The following MMP2 variants were observed in gnomAD, a reference collection of about 807,000 sequenced individuals.
MMP2 encodes matrix metallopeptidase 2.
In MMP2, 39 loss-of-function variants were observed where a neutral mutation model predicts 74.8. That is an observed-to-expected ratio of 0.52 (90% confidence interval 0.40 to 0.68). MMP2 has a LOEUF of 0.68. Among genes scored for constraint, MMP2 ranks in the 30% least tolerant of loss-of-function variants. The probability of loss-of-function intolerance (pLI) is 0.00; values close to 1 mark genes in which losing one functional copy is unlikely to be tolerated. For missense variants in MMP2, 803 were observed against 878.3 expected (o/e 0.91, Z 1.08); for synonymous variants, 367 against 339.8 (o/e 1.08, Z -0.88).
At chr16:55,487,673 A>T (rs1962293134) in intron 5 of MMP2, 2 of 152,336 alleles carry the variant, frequency 1.3e-5, no homozygotes. Context: ...GCTGGTTGGC[A>T]ATTCCAGAGA....
intron 12 of MMP2, 104 bp from the exon 13 acceptor site, chr16:55,505,235 A>C: frequency 1.0e-6 from 1 of 994,882 alleles, no homozygotes; most frequent in Non-Finnish European, 1.6e-6. Flanking sequence ...TCTCGTTTAA[A>C]AGCTTCTTCC....
chr16:55,488,323 T>A (rs1962308222), intron 5 of MMP2: 1 of 580,548 alleles, frequency 1.7e-6, no homozygotes, highest in South Asian at 2.0e-5. Flanking sequence ...TGTTGGGTGG[T>A]CCACAAGGTC....
intron 1 of MMP2, chr16:55,479,864 C>T: frequency 1.7e-6 from 1 of 593,420 alleles, no homozygotes; most frequent in South Asian, 2.0e-5. Context: ...CTTCAGCATA[C>T]AGCAGTGGGG....
At chr16:55,503,005 G>A in intron 12 of MMP2, 117 bp downstream of exon 12, 1 of 817,594 alleles carries the variant, frequency 1.2e-6, no homozygotes, top group South Asian at 1.4e-5. Context: ...CGGCGCCCAG[G>A]AAAACAAATC....
chr16:55,505,508 G>A lies in MMP2; in HGVS notation c.*66G>A. The A allele has an allele frequency of 1.4e-6, 2 of 1,421,360 alleles. No homozygotes were observed. The highest frequency in any genetic ancestry group is 2.0e-6 in the Non-Finnish European group (2 of 1,005,670). The allele number at this position is 1,421,360 out of a possible 1,614,324, so 88.0% of individuals were successfully genotyped here. Reference sequence around the variant, plus strand: ...TCGATACACCGGGCCTGGAGAACTAGAGAAGGACCCGGAGGGGCCTGGCAG... The same window carrying A: ...TCGATACACCGGGCCTGGAGAACTAAAGAAGGACCCGGAGGGGCCTGGCAG... On this transcript the variant is annotated 3_prime_UTR_variant, in exon 13 of 13. Transcript: ENST00000219070.
At chr16:55,479,715 C>A in intron 1 of MMP2, 83 bp downstream of exon 1, 1 of 1,564,992 alleles carries the variant, frequency 6.4e-7, no homozygotes. Flanking sequence ...CCCCTGCCCT[C>A]GGCGGTGGGC....
In MMP2 at chr16:55,505,518, C is replaced by G. The variant is rs760604174; in HGVS notation, c.*76C>G. On this transcript the variant is annotated 3_prime_UTR_variant, in exon 13 of 13. Coordinates refer to ENST00000219070, the MANE Select transcript of MMP2 (RefSeq NM_004530.6). ...GGGCCTGGAGAACTAGAGAAGGACC[C>G]GGAGGGGCCTGGCAGCCGTGCCTTC... 3 of 1,294,220 alleles carry G rather than the reference C, an allele frequency of 2.3e-6. No individual in the cohort carries two copies. In the African/African-American group the frequency reaches 4.4e-5, roughly 19 times the overall value. The allele number at this position is 1,294,220 out of a possible 1,614,324, so 80.2% of individuals were successfully genotyped here.
At chr16:55,505,268 G>C in intron 12 of MMP2, 71 bp from the exon 13 acceptor site, 1 of 1,328,408 alleles carries the variant, frequency 7.5e-7, no homozygotes, top group South Asian at 1.2e-5. Flanking sequence ...GAAATTCAAA[G>C]TTCCCAGGAA....
chr16:55,486,325 G>A (rs1567374946), intron 5 of MMP2, among the ~76,000 whole-genome samples: 1 of 47,224 alleles, frequency 2.1e-5, no homozygotes, highest in Non-Finnish European at 4.9e-5. Context: ...GCTAATGCGT[G>A]TGTGTGTGTG....
chr16:55,481,850 G>A (rs1181271921), intron 1 of MMP2: 12 of 764,284 alleles, frequency 1.6e-5, no homozygotes, highest in Non-Finnish European at 2.9e-5. Context: ...TTAAAAGAGA[G>A]GTAATCTTAG....
chr16:55,479,122 C>A (rs1285133303), upstream of MMP2: 1 of 175,104 alleles, frequency 5.7e-6, no homozygotes, highest in African/African-American at 2.4e-5. Context: ...GAGTGCGCCC[C>A]CCGCCCCCAG....
Position 55,491,850 on chromosome 16 carries a change from G to A in MMP2, c.1230G>A (p.Gly410=). 3 of 1,614,188 alleles carry A rather than the reference G, an allele frequency of 1.9e-6. No individual in the cohort carries two copies. Among genetic ancestry groups the A allele is most frequent in the African/African-American group, 1.3e-5 (1 of 75,044 alleles). ...CCCACGAGTTTGGCCACGCCATGGG[G>A]CTGGAGCACTCCCAAGACCCTGGGG... The part of the protein sequence containing the change: ...VAAHEFGHAM[G]LEHSQDPGAL... The change falls in exon 8 of 13, where the codon GGG becomes GGA. Residue 410 remains glycine, a synonymous_variant. Transcript: ENST00000219070.
intron 9 of MMP2, among the ~76,000 whole-genome samples, chr16:55,495,810 A>G (rs907104249): frequency 2.0e-5 from 3 of 152,192 alleles, no homozygotes; most frequent in African/African-American, 7.2e-5. Flanking sequence ...GTCCACTGCT[A>G]GCCTCTGCAC....
chr16:55,496,264 C>A (rs1962525866), intron 9 of MMP2, among the ~76,000 whole-genome samples: 1 of 152,148 alleles, frequency 6.6e-6, no homozygotes, highest in South Asian at 2.1e-4. Context: ...TTATACCAAT[C>A]AGTATCTACC....
At chr16:55,494,239 C>T (rs1962482709) in intron 9 of MMP2, among the ~76,000 whole-genome samples, 1 of 152,190 alleles carries the variant, frequency 6.6e-6, no homozygotes, top group Admixed American at 6.5e-5. Flanking sequence ...CTGCTACTTA[C>T]TGGTTATGTA....
At chr16:55,485,511 G>A (rs1962222245) in intron 4 of MMP2, 84 bp downstream of exon 4, 3 of 1,612,402 alleles carry the variant, frequency 1.9e-6, no homozygotes, top group African/African-American at 2.7e-5. Context: ...GAGGTGGGAG[G>A]GGAGGAAAGT....
At chr16:55,496,853 T>C in intron 9 of MMP2, 73 bp from the exon 10 acceptor site, 1 of 1,594,394 alleles carries the variant, frequency 6.3e-7, no homozygotes, top group Non-Finnish European at 8.5e-7. Flanking sequence ...CTGGGTGGGT[T>C]TGGGGGTGTG....
Position 55,483,026 on chromosome 16 carries a change from C to T in MMP2, c.271C>T (p.Gln91Ter), listed in dbSNP as rs1962145468. 2 of 1,614,160 alleles carry T rather than the reference C, an allele frequency of 1.2e-6. No homozygotes were observed. Among genetic ancestry groups the T allele is most frequent in the Non-Finnish European group, 1.7e-6 (2 of 1,180,016 alleles). Reference protein sequence around the residue: ...FGLPQTGDLDQNTIETMRKPR... With the variant: ...FGLPQTGDLD ...ACTGCCCCAGACAGGTGATCTTGAC[C>T]AGAATACCATCGAGACCATGCGGAA... is the stretch of plus-strand genomic sequence containing the variant. Residue 91 changes from glutamine (Q) to a stop codon, truncating the protein, a stop_gained, in exon 2 of 13, where the codon CAG (glutamine) becomes TAG (stop). Coordinates refer to ENST00000219070, the MANE Select transcript of MMP2 (RefSeq NM_004530.6). LOFTEE classifies it high-confidence loss of function.
intron 11 of MMP2, among the ~76,000 whole-genome samples, chr16:55,501,614 C>T (rs1038311243): frequency 4.6e-5 from 7 of 152,114 alleles, no homozygotes; most frequent in Non-Finnish European, 8.8e-5. Context: ...TTATGCTGCA[C>T]CTGGGATTAA....
Sources: gnomAD v4.1 joint callset for allele counts (sites outside exome capture counted in the v4.1 genomes callset) on GRCh38, gnomAD v4.1.1 for gene constraint, MANE v1.5 for transcripts, NCBI Gene and HGNC (gene_info 2026-07-23, HGNC 2026-07-21) for gene names.